The following ACACA variants were observed in gnomAD, a reference collection of about 807,000 sequenced individuals.
ACACA encodes the protein acetyl-CoA carboxylase 1.
ACACA carries 103 observed loss-of-function variants against 296.1 expected under a neutral mutation model. The observed-to-expected ratio is 0.35, with a 90% CI of 0.30 to 0.41. ACACA has a LOEUF of 0.41. Among genes scored for constraint, ACACA ranks in the 10% least tolerant of loss-of-function variants. The probability of loss-of-function intolerance (pLI) is 1.00; values close to 1 mark genes in which losing one functional copy is unlikely to be tolerated. For synonymous variants in ACACA, 953 were observed against 1,038.6 expected, an observed-to-expected ratio of 0.92 and a Z score of 1.58; for missense variants, 1,554 against 2,989.7, an observed-to-expected ratio of 0.52 and a Z score of 11.20.
chr17:37,296,426 C>T (rs1341469727), intron 3 of ACACA, among the ~76,000 whole-genome samples: 1 of 151,422 alleles, frequency 6.6e-6, no homozygotes, highest in Non-Finnish European at 1.5e-5. Flanking sequence ...CTCCCTCAGC[C>T]TCCAGAGTAG....
rs182716116 is a variant in ACACA at position 37,089,178 on chromosome 17, G to A, written c.6892-104C>T. ...CTTGCTTACTCCAAAAGTGTGCTCC[G>A]TGTCCACGATTCTCCTTCACTGTCA... On this transcript the variant is annotated intron_variant, in intron 54 of 55. Coordinates refer to ENST00000616317, the MANE Select transcript of ACACA (RefSeq NM_198834.3). 67 of 1,521,086 alleles carry A rather than the reference G, an allele frequency of 4.4e-5. 1 individual carries two copies. In the Middle Eastern group the frequency reaches 5.1e-4, roughly 12 times the overall value. The allele number at this position is 1,521,086 out of a possible 1,614,324, so 94.2% of individuals were successfully genotyped here. A position where few individuals can be genotyped will look rare whatever the true frequency, so the allele number is the denominator to read the frequency against.
At chr17:37,199,450 G>A (rs1183961697) in intron 35 of ACACA, among the ~76,000 whole-genome samples, 1 of 151,972 alleles carries the variant, frequency 6.6e-6, no homozygotes, top group Non-Finnish European at 1.5e-5. Context: ...TGGATGCCAG[G>A]CTATTAACTT....
In ACACA at chr17:37,174,007, TATATATATATA is replaced by T. The variant is rs1325365537; in HGVS notation, c.5079+5242_5079+5252del. On this transcript the variant is annotated intron_variant, in intron 41 of 55. Transcript: ENST00000616317. ...TTATATATATATATATATATATATA[TATATATATATA>T]TATTTTTTTTTTTTTTTTTTTTTGT... is the stretch of plus-strand genomic sequence containing the variant. Among the ~76,000 whole-genome samples the T allele has an allele frequency of 3.2e-3, 50 of 15,640 alleles. 1 individual carries two copies. Among genetic ancestry groups the T allele is most frequent in the East Asian group, 0.017 (12 of 702 alleles). The allele number at this position is 15,640 out of a possible 152,430, so 10.3% of individuals were successfully genotyped here.
intron 36 of ACACA, 101 bp from the exon 37 acceptor site, chr17:37,192,406 G>T: frequency 9.0e-7 from 1 of 1,106,862 alleles, no homozygotes; most frequent in Non-Finnish European, 1.3e-6. Flanking sequence ...AGAAACATAA[G>T]CTATGATGTG....
At chr17:37,380,479 T>C (rs1401201434) in intron 1 of ACACA, among the ~76,000 whole-genome samples, 1 of 152,160 alleles carries the variant, frequency 6.6e-6, no homozygotes, top group African/African-American at 2.4e-5. Context: ...CAAATCTACG[T>C]GCTCTCTGAG....
chr17:37,136,620 C>T (rs2075343115), intron 45 of ACACA, among the ~76,000 whole-genome samples: 2 of 151,956 alleles, frequency 1.3e-5, no homozygotes, highest in African/African-American at 4.8e-5. Flanking sequence ...GCATCCTCAT[C>T]AACACTTGGT....
intron 1 of ACACA, among the ~76,000 whole-genome samples, chr17:37,356,715 AATGAG>A (rs1450840380): frequency 6.6e-6 from 1 of 152,108 alleles, no homozygotes; most frequent in Admixed American, 6.6e-5. Flanking sequence ...CATGTTAGAT[AATGAG>A]ATAACTTTTT....
intron 50 of ACACA, among the ~76,000 whole-genome samples, chr17:37,116,160 T>C (rs1357667908): frequency 6.6e-6 from 1 of 151,626 alleles, no homozygotes; most frequent in African/African-American, 2.4e-5. Flanking sequence ...GCGCAGCTAA[T>C]TTTTGTATTT....
chr17:37,306,087 T>C (rs1040722357), intron 3 of ACACA, among the ~76,000 whole-genome samples: 2 of 151,916 alleles, frequency 1.3e-5, no homozygotes, highest in Non-Finnish European at 2.9e-5. Flanking sequence ...TTTTTGTATT[T>C]TTAGTAGAGA....
At chr17:37,228,787 G>A (rs146071898) in intron 25 of ACACA, among the ~76,000 whole-genome samples, 446 of 152,100 alleles carry the variant, frequency 2.9e-3, no homozygotes, top group African/African-American at 0.01. Flanking sequence ...GCCACAACTC[G>A]ACTCCTCTGT....
chr17:37,289,582 A>T (rs1356201609), intron 3 of ACACA: 2 of 1,099,380 alleles, frequency 1.8e-6, no homozygotes, highest in Non-Finnish European at 2.5e-6. Flanking sequence ...TCTTCTTAGG[A>T]ACTTCCATTT....
At chr17:37,268,649 GC>G (rs1167942899) in intron 10 of ACACA, among the ~76,000 whole-genome samples, 2 of 151,044 alleles carry the variant, frequency 1.3e-5, no homozygotes, top group Non-Finnish European at 2.9e-5. Flanking sequence ...TTGTATGTTA[GC>G]CCCATAATTC....
intron 3 of ACACA, chr17:37,299,542 CCTTT>C: frequency 1.4e-6 from 2 of 1,416,098 alleles, no homozygotes; most frequent in Non-Finnish European, 1.8e-6. Flanking sequence ...TCTTTCCCCA[CCTTT>C]CTCTTCCTTT....
intron 30 of ACACA, among the ~76,000 whole-genome samples, 168 bp downstream of exon 30, chr17:37,210,299 T>C (rs2078690005): frequency 6.6e-6 from 1 of 152,160 alleles, no homozygotes; most frequent in African/African-American, 2.4e-5. Flanking sequence ...GCTGAAGCCA[T>C]GTTTTCCAAA....
At chr17:37,354,463 G>C (rs1192479593) in intron 1 of ACACA, among the ~76,000 whole-genome samples, 1 of 152,164 alleles carries the variant, frequency 6.6e-6, no homozygotes, top group Admixed American at 6.6e-5. Flanking sequence ...ACTTAAATGA[G>C]ATTGGCCAGC....
Position 37,085,777 on chromosome 17 carries a change from G to C in ACACA, c.*1539C>G. 2.5e-6 allele frequency: 1 copy of C among 399,196 alleles called. No individual in the cohort carries two copies. The highest frequency in any genetic ancestry group is 4.4e-6 in the Non-Finnish European group (1 of 226,178). The allele number at this position is 399,196 out of a possible 1,614,324, so 24.7% of individuals were successfully genotyped here. A position where few individuals can be genotyped will look rare whatever the true frequency, so the allele number is the denominator to read the frequency against. On this transcript the variant is annotated 3_prime_UTR_variant, in exon 56 of 56. Coordinates refer to ENST00000616317, the MANE Select transcript of ACACA (RefSeq NM_198834.3). ...TTCCTCCTGAAGAAGGGGAGGTGGA[G>C]CTCGTTCTTGTGTGCAAACTACAGG...
intron 47 of ACACA, 48 bp from the exon 48 acceptor site, chr17:37,125,842 T>C (rs766178226): frequency 2.0e-6 from 3 of 1,510,428 alleles, no homozygotes; most frequent in African/African-American, 1.4e-5. Context: ...AGTGAATCCA[T>C]TGACAATGTG....
In ACACA at chr17:37,270,743, T is replaced by A; in HGVS notation, c.1119+8A>T. On this transcript the variant is annotated splice_region_variant and intron_variant, in intron 10 of 55. Transcript: ENST00000616317. Reference sequence around the variant, plus strand: ...AGTTCAAACAAACAAAAACAGCTTATACTCTACCTGTCTGAAGAGATTAGG... The same window carrying A: ...AGTTCAAACAAACAAAAACAGCTTAAACTCTACCTGTCTGAAGAGATTAGG... 2 of 1,597,720 alleles carry A rather than the reference T, an allele frequency of 1.3e-6. No individual in the cohort carries two copies. The highest frequency in any genetic ancestry group is 1.7e-4 in the Middle Eastern group (1 of 6,018).
intron 3 of ACACA, among the ~76,000 whole-genome samples, chr17:37,328,431 TA>T (rs1390477496): frequency 6.6e-6 from 1 of 152,078 alleles, no homozygotes; most frequent in Non-Finnish European, 1.5e-5. Flanking sequence ...ATTAATTTTT[TA>T]AAATAAAATA....
Sources: gnomAD v4.1 joint callset for allele counts (sites outside exome capture counted in the v4.1 genomes callset) on GRCh38, gnomAD v4.1.1 for gene constraint, MANE v1.5 for transcripts, NCBI Gene and HGNC (gene_info 2026-07-23, HGNC 2026-07-21) for gene names.